The following NINJ1 variants were observed in gnomAD, a reference collection of about 807,000 sequenced individuals.
The protein encoded by NINJ1 is ninjurin 1, also known as ninjurin-1.
Under a neutral mutation model 12.7 loss-of-function variants are expected in NINJ1, and 6 were observed. That is an observed-to-expected ratio of 0.47 (90% CI 0.26 to 0.93). NINJ1 has a LOEUF of 0.93. NINJ1 is among the 40% of genes least tolerant of loss of function. The probability of loss-of-function intolerance (pLI) is 0.15; values close to 1 mark genes in which losing one functional copy is unlikely to be tolerated. For synonymous variants in NINJ1, 100 were observed against 96.0 expected, an observed-to-expected ratio of 1.04 and a Z score of -0.25; for missense variants, 170 against 213.0, an observed-to-expected ratio of 0.80 and a Z score of 1.26.
chr9:93,131,940 G>T (rs1827900456), intron 1 of NINJ1, among the ~76,000 whole-genome samples: 1 of 152,208 alleles, frequency 6.6e-6, no homozygotes, highest in Admixed American at 6.5e-5. Flanking sequence ...AGGAAACTGA[G>T]GGAGCTGGGC....
intron 1 of NINJ1, among the ~76,000 whole-genome samples, chr9:93,133,501 C>T (rs1827927700): frequency 6.6e-6 from 1 of 152,268 alleles, no homozygotes; most frequent in South Asian, 2.1e-4. Flanking sequence ...CTGCCCCCTG[C>T]CCACAGCCCT....
intron 1 of NINJ1, among the ~76,000 whole-genome samples, chr9:93,132,762 T>C (rs1012975903): frequency 9.2e-5 from 14 of 152,230 alleles, no homozygotes; most frequent in African/African-American, 3.4e-4. Context: ...CCTCTGGGCT[T>C]GAGATGCACC....
chr9:93,131,416 A>C (rs1430357788), intron 1 of NINJ1: 3 of 152,280 alleles, frequency 2.0e-5, no homozygotes, highest in Admixed American at 2.0e-4. Flanking sequence ...GGAAACGAGC[A>C]AACCTCCTCC....
chr9:93,126,319 T>C, intron 2 of NINJ1, 91 bp downstream of exon 2: 7 of 1,111,004 alleles, frequency 6.3e-6, no homozygotes, highest in Non-Finnish European at 9.1e-6. Flanking sequence ...GAGAGCCAAG[T>C]GTGCAAGGTG....
intron 1 of NINJ1, among the ~76,000 whole-genome samples, chr9:93,131,248 G>GT (rs1827888980): frequency 6.6e-6 from 1 of 152,256 alleles, no homozygotes; most frequent in East Asian, 1.9e-4. Context: ...AGCAGGAAGT[G>GT]CTGGAAGGCG....
intron 3 of NINJ1, among the ~76,000 whole-genome samples, chr9:93,122,849 G>A (rs1279490851): frequency 3.9e-5 from 6 of 152,198 alleles, no homozygotes; most frequent in African/African-American, 1.2e-4. Context: ...CCCTCTTCCC[G>A]GCAGGCAGAT....
At chr9:93,130,260 C>T (rs1196432629) in intron 1 of NINJ1, among the ~76,000 whole-genome samples, 1 of 152,158 alleles carries the variant, frequency 6.6e-6, no homozygotes, top group African/African-American at 2.4e-5. Flanking sequence ...GGTCGGCCTC[C>T]CCACTGCAGG....
chr9:93,131,158 A>C (rs1017325680), intron 1 of NINJ1, among the ~76,000 whole-genome samples: 1 of 152,212 alleles, frequency 6.6e-6, no homozygotes. Flanking sequence ...ACCGTCTCCT[A>C]CCGGCCAGCC....
At chr9:93,130,644 A>G (rs1827880405) in intron 1 of NINJ1, among the ~76,000 whole-genome samples, 1 of 152,114 alleles carries the variant, frequency 6.6e-6, no homozygotes, top group Non-Finnish European at 1.5e-5. Flanking sequence ...GAGGGGACTG[A>G]ATGGGGTGGT....
intron 1 of NINJ1, among the ~76,000 whole-genome samples, chr9:93,128,722 G>A (rs1248785285): frequency 6.6e-6 from 1 of 152,220 alleles, no homozygotes; most frequent in Non-Finnish European, 1.5e-5. Context: ...ACTTGGTGCT[G>A]GGAGAAGGCC....
Position 93,122,226 on chromosome 9 carries a change from G to C in NINJ1, c.*14C>G, listed in dbSNP as rs954136168. The C allele has an allele frequency of 1.3e-5, 2 of 153,576 alleles. No individual in the cohort carries two copies. Among genetic ancestry groups the C allele is most frequent in the African/African-American group, 4.8e-5 (2 of 41,458 alleles). 9.5% of individuals were successfully genotyped at this position (153,576 alleles called of 1,614,324 possible). On this transcript the variant is annotated 3_prime_UTR_variant, in exon 4 of 4. Transcript: ENST00000375446. The stretch of plus-strand genomic sequence containing the variant: ...TGAGTTGCAGGGCAGGCAACATCCA[G>C]GGTCCTGGAAAGGAGACAGAGGAGA...
In NINJ1 at chr9:93,123,940, G is replaced by A. The variant is rs766855336; in HGVS notation, c.*9+959C>T. 1.5e-3 allele frequency among the ~76,000 whole-genome samples: 224 copies of A among 152,374 alleles called. 1 individual carries two copies. Among genetic ancestry groups the A allele is most frequent in the Non-Finnish European group, 1.0e-3 (71 of 68,032 alleles). On this transcript the variant is annotated intron_variant, in intron 3 of 3. Transcript: ENST00000375446. The stretch of plus-strand genomic sequence containing the variant: ...AGGACACAGGGAGAGGCTGTATGTG[G>A]TGTGAGAAGTCTTCCTACACTGGGT...
intron 1 of NINJ1, among the ~76,000 whole-genome samples, chr9:93,128,544 C>A (rs138881446): frequency 6.6e-6 from 1 of 152,246 alleles, no homozygotes; most frequent in African/African-American, 2.4e-5. Flanking sequence ...TCTGCTCTTG[C>A]GAAGCTGCCC....
chr9:93,134,250 C>T lies in NINJ1; in HGVS notation c.-33G>A, dbSNP rs533194712. ...CCGCCCAGGCCGCCAGGATCCGGGC[C>T]TGAGCGCGCCCGAGCCTCAGCCGCA... On this transcript the variant is annotated 5_prime_UTR_variant, in exon 1 of 4. Coordinates refer to ENST00000375446, the MANE Select transcript of NINJ1 (RefSeq NM_004148.4). The T allele has an allele frequency of 3.6e-6, 5 of 1,378,474 alleles. No individual in the cohort carries two copies. The highest frequency in any genetic ancestry group is 2.9e-6 in the Non-Finnish European group (3 of 1,038,898). The allele number at this position is 1,378,474 out of a possible 1,614,324, so 85.4% of individuals were successfully genotyped here.
In NINJ1 at chr9:93,124,877, C is replaced by T. The variant is rs191154538; in HGVS notation, c.*9+22G>A. On this transcript the variant is annotated intron_variant, in intron 3 of 3. Transcript: ENST00000375446. Reference sequence around the variant, plus strand: ...CGAGCAACCCCAGGACTGCAGGCCTCGCGCCCCATCTCCCAGCTCACCTGG... The same window carrying T: ...CGAGCAACCCCAGGACTGCAGGCCTTGCGCCCCATCTCCCAGCTCACCTGG... The T allele has an allele frequency of 2.8e-4, 443 of 1,584,386 alleles. 6 individuals carry two copies. In the South Asian group the frequency reaches 4.2e-3, roughly 15 times the overall value.
At position 93,126,477 on chromosome 9, in the gene NINJ1, G is replaced by A. The variant is rs1314556398; in HGVS notation, c.237C>T (p.Pro79=). The A allele has an allele frequency of 1.2e-6, 2 of 1,614,076 alleles. No homozygotes were observed. Among genetic ancestry groups the A allele is most frequent in the East Asian group, 2.2e-5 (1 of 44,892 alleles). ...GGGAGATGGAGATGAGGACCACCAGGGGCACATAGAAGGCGAAGCTGGGGC... is the reference window on the plus strand; with the variant it reads ...GGGAGATGGAGATGAGGACCACCAGAGGCACATAGAAGGCGAAGCTGGGGC... ...EQGPSFAFYV[P]LVVLISISLV... Residue 79 remains proline, a synonymous_variant, in exon 2 of 4, where the codon CCC becomes CCT. Coordinates refer to ENST00000375446, the MANE Select transcript of NINJ1 (RefSeq NM_004148.4).
At chr9:93,126,783 T>C in intron 1 of NINJ1, 145 bp from the exon 2 acceptor site, 1 of 633,594 alleles carries the variant, frequency 1.6e-6, no homozygotes, top group South Asian at 1.9e-5. Context: ...GAAGTGCTTA[T>C]TACCCTAAGG....
chr9:93,128,985 T>A lies in NINJ1; in HGVS notation c.76-2347A>T, dbSNP rs148774087. On this transcript the variant is annotated intron_variant, in intron 1 of 3. Transcript: ENST00000375446. ...CAGGAGGAAGAATTCCCTTTTTTTC[T>A]GAGCTCTGCAGAACCATTTAAATAT... 5.0e-4 allele frequency among the ~76,000 whole-genome samples: 76 copies of A among 152,332 alleles called. 1 individual carries two copies. The East Asian group carries it at 0.013, about 27-fold the overall frequency.
intron 2 of NINJ1, 187 bp from the exon 3 acceptor site, chr9:93,125,249 C>T (rs981763780): frequency 4.5e-5 from 25 of 560,220 alleles, no homozygotes; most frequent in African/African-American, 1.7e-4. Flanking sequence ...ACATGGACAA[C>T]AGCGCCCCTG....
Sources: allele counts gnomAD v4.1 joint callset (sites outside exome capture counted in the v4.1 genomes callset), GRCh38; gene constraint gnomAD v4.1.1; transcripts MANE v1.5; gene names NCBI Gene and HGNC (gene_info 2026-07-23, HGNC 2026-07-21).